Variants in XKR4 observed in about 807,000 individuals in gnomAD.
XKR4 encodes XK-related protein 4.
A neutral mutation model predicts 53.9 loss-of-function variants in XKR4; 12 were observed. The observed-to-expected ratio is 0.22, with a 90% confidence interval of 0.14 to 0.36. The LOEUF (loss-of-function observed/expected upper bound fraction) is 0.36. Among genes scored for constraint, XKR4 ranks in the 10% least tolerant of loss-of-function variants. The pLI is 1.00. For synonymous variants in XKR4, 354 were observed against 362.4 expected, an observed-to-expected ratio of 0.98 and a Z score of 0.26; for missense variants, 799 against 859.5, an observed-to-expected ratio of 0.93 and a Z score of 0.88.
At chr8:55,432,663 A>T (rs1010245772) in intron 2 of XKR4, among the ~76,000 whole-genome samples, 1 of 152,192 alleles carries the variant, frequency 6.6e-6, no homozygotes, top group African/African-American at 2.4e-5. Context: ...AGAAAATTCC[A>T]TTTACCAGAG....
intron 1 of XKR4, among the ~76,000 whole-genome samples, chr8:55,232,538 C>T (rs567616732): frequency 2.6e-5 from 4 of 152,272 alleles, no homozygotes; most frequent in Middle Eastern, 3.4e-3. Context: ...TATACACTTG[C>T]GGCTGCTTTG....
chr8:55,498,999 C>T (rs556795103), intron 2 of XKR4, among the ~76,000 whole-genome samples: 8 of 152,310 alleles, frequency 5.3e-5, no homozygotes, highest in South Asian at 2.1e-4. Context: ...TATTCAAGGC[C>T]GTAAATAAAG....
At chr8:55,473,616 A>G (rs1805925834) in intron 2 of XKR4, among the ~76,000 whole-genome samples, 1 of 152,144 alleles carries the variant, frequency 6.6e-6, no homozygotes, top group Non-Finnish European at 1.5e-5. Flanking sequence ...TAAGTGTGCC[A>G]GTTTCTCAGA....
At chr8:55,136,894 G>T (rs547945082) in intron 1 of XKR4, among the ~76,000 whole-genome samples, 4 of 152,150 alleles carry the variant, frequency 2.6e-5, no homozygotes, top group Non-Finnish European at 4.4e-5. Flanking sequence ...ATCCAGAAAA[G>T]AATATGTAAA....
rs55773999 is a variant in XKR4 at position 55,240,836 on chromosome 8, T to C, written c.807-116842T>C. ...ATGTGACTCAGAAATGAAGAAATGA[T>C]TGAGTTGCACATGGTGAGGAAAGCA... On this transcript the variant is annotated intron_variant, in intron 1 of 2. Transcript: ENST00000327381. 1.5e-3 allele frequency among the ~76,000 whole-genome samples: 234 copies of C among 152,338 alleles called. 1 individual carries two copies. The highest frequency in any genetic ancestry group is 5.3e-3 in the African/African-American group (220 of 41,590).
intron 1 of XKR4, among the ~76,000 whole-genome samples, chr8:55,141,648 T>TCC: frequency 7.0e-6 from 1 of 141,976 alleles, no homozygotes; most frequent in Non-Finnish European, 1.5e-5. Context: ...CTTCTGCTTC[T>TCC]CTCTCTCTCT....
intron 2 of XKR4, among the ~76,000 whole-genome samples, chr8:55,397,311 G>A (rs1804535636): frequency 6.6e-6 from 1 of 152,124 alleles, no homozygotes; most frequent in Non-Finnish European, 1.5e-5. Flanking sequence ...TTCCTCTATT[G>A]TGTAATCTCA....
intron 1 of XKR4, among the ~76,000 whole-genome samples, chr8:55,141,295 A>G (rs528629295): frequency 6.6e-6 from 1 of 151,970 alleles, no homozygotes; most frequent in South Asian, 2.1e-4. Context: ...CTCCAGACGC[A>G]TCTCCTGGAG....
chr8:55,327,225 A>G lies in XKR4; in HGVS notation c.807-30453A>G, dbSNP rs376009683. ...TTTATAATCATTAACATTACCTCAC[A>G]ATTTGGTTAGAAGTGACCTTTTAAA... On this transcript the variant is annotated intron_variant, in intron 1 of 2. Coordinates refer to ENST00000327381, the MANE Select transcript of XKR4 (RefSeq NM_052898.2). Among the ~76,000 whole-genome samples, 4 of 152,216 alleles carry G rather than the reference A, an allele frequency of 2.6e-5. No individual in the cohort carries two copies. In the South Asian group the frequency reaches 6.2e-4, roughly 24 times the overall value.
At position 55,107,148 on chromosome 8, in the gene XKR4, TG is replaced by T. The variant is rs898412967; in HGVS notation, c.806+3855del. Among the ~76,000 whole-genome samples, 14 of 152,280 alleles carry T rather than the reference TG, an allele frequency of 9.2e-5. 1 individual carries two copies. Among genetic ancestry groups the T allele is most frequent in the South Asian group, 6.2e-4 (3 of 4,824 alleles). ...TATTGGCACTTTAAAAATATACAAATGTTTTTTTCTACTTTTTATGTCATCT... is the reference window on the plus strand; with the variant it reads ...TATTGGCACTTTAAAAATATACAAATTTTTTTTCTACTTTTTATGTCATCT... On this transcript the variant is annotated intron_variant, in intron 1 of 2. Transcript: ENST00000327381.
intron 1 of XKR4, among the ~76,000 whole-genome samples, chr8:55,261,806 C>T (rs1005846602): frequency 2.6e-5 from 4 of 151,482 alleles, no homozygotes; most frequent in African/African-American, 9.7e-5. Context: ...ATTAATAGAT[C>T]GAAGTGTTAC....
At chr8:55,160,668 T>C (rs1816971721) in intron 1 of XKR4, among the ~76,000 whole-genome samples, 1 of 152,184 alleles carries the variant, frequency 6.6e-6, no homozygotes. Flanking sequence ...TTCATTTTCA[T>C]TGTTGTTATA....
chr8:55,457,150 T>TC (rs60984105), intron 2 of XKR4, among the ~76,000 whole-genome samples: 50 of 146,006 alleles, frequency 3.4e-4, no homozygotes, highest in South Asian at 8.9e-4. Flanking sequence ...CCTTTTCTTT[T>TC]TTTTTTTTTT....
chr8:55,506,543 G>C (rs1743151184), intron 2 of XKR4, among the ~76,000 whole-genome samples: 1 of 152,170 alleles, frequency 6.6e-6, no homozygotes. Context: ...CTTCCACCTT[G>C]CACCATCTTT....
At chr8:55,461,553 TA>T (rs1284280579) in intron 2 of XKR4, among the ~76,000 whole-genome samples, 5 of 152,128 alleles carry the variant, frequency 3.3e-5, no homozygotes. Context: ...CCAGAAACTC[TA>T]AAAATCAGAG....
At position 55,180,671 on chromosome 8, in the gene XKR4, A is replaced by G. The variant is rs566305952; in HGVS notation, c.806+77377A>G. ...CTCAGCCTCCCGAGCAGCTGGGATT[A>G]CAGGCACCCGCCACCACACTTGGCT... On this transcript the variant is annotated intron_variant, in intron 1 of 2. Transcript: ENST00000327381. Among the ~76,000 whole-genome samples, 244 of 152,200 alleles carry G rather than the reference A, an allele frequency of 1.6e-3. 2 individuals are homozygous for G. The highest frequency in any genetic ancestry group is 0.012 in the South Asian group (58 of 4,808).
intron 2 of XKR4, among the ~76,000 whole-genome samples, chr8:55,439,725 G>A (rs1805237452): frequency 6.6e-6 from 1 of 152,096 alleles, no homozygotes; most frequent in African/African-American, 2.4e-5. Flanking sequence ...ATAGATGATA[G>A]AGTAAAAAGG....
chr8:55,489,307 G>A (rs1478753870), intron 2 of XKR4, among the ~76,000 whole-genome samples: 1 of 151,934 alleles, frequency 6.6e-6, no homozygotes, highest in Non-Finnish European at 1.5e-5. Flanking sequence ...ACCTAATACC[G>A]CTCTAAAAAA....
intron 2 of XKR4, among the ~76,000 whole-genome samples, chr8:55,435,007 G>C (rs963400471): frequency 1.3e-5 from 2 of 152,166 alleles, no homozygotes; most frequent in Non-Finnish European, 2.9e-5. Context: ...CATGCCTGCA[G>C]TCACTTCTGA....
Sources: allele counts gnomAD v4.1 joint callset (sites outside exome capture counted in the v4.1 genomes callset), GRCh38; gene constraint gnomAD v4.1.1; transcripts MANE v1.5; gene names NCBI Gene and HGNC (gene_info 2026-07-23, HGNC 2026-07-21).